ADAP1: variants seen among roughly 807,000 people sequenced by gnomAD.
ADAP1 encodes ArfGAP with dual PH domains 1.
ADAP1 carries 31 observed loss-of-function variants against 54.9 expected under a neutral mutation model. The observed-to-expected ratio is 0.56, with a 90% CI of 0.42 to 0.76. The LOEUF (loss-of-function observed/expected upper bound fraction) is 0.76. ADAP1 is among the 30% of genes least tolerant of loss of function. The probability of loss-of-function intolerance (pLI) is 0.00; values close to 1 mark genes in which losing one functional copy is unlikely to be tolerated. For synonymous variants in ADAP1, 313 were observed against 202.6 expected, an observed-to-expected ratio of 1.55 and a Z score of -4.63; for missense variants, 535 against 512.4, an observed-to-expected ratio of 1.04 and a Z score of -0.42.
intron 2 of ADAP1, among the ~76,000 whole-genome samples, chr7:932,586 G>C (rs757895018): frequency 6.6e-6 from 1 of 152,162 alleles, no homozygotes; most frequent in Non-Finnish European, 1.5e-5. Context: ...CCGGGGAGGG[G>C]GATGGTCCAG....
chr7:936,744 T>C (rs1583179792), intron 1 of ADAP1, among the ~76,000 whole-genome samples: 1 of 152,228 alleles, frequency 6.6e-6, no homozygotes, highest in Non-Finnish European at 1.5e-5. Context: ...TATTTTTAAG[T>C]GGAGGCTCTC....
At chr7:916,063 C>T (rs954318434) in intron 4 of ADAP1, among the ~76,000 whole-genome samples, 8 of 152,234 alleles carry the variant, frequency 5.3e-5, no homozygotes, top group Non-Finnish European at 8.8e-5. Flanking sequence ...GGGCCAGAGG[C>T]GGGCACGCCA....
Position 905,550 on chromosome 7 carries a change from G to GGGAGAAAGGAGAAAGGGAAAGGAGAAA in ADAP1, c.389-379_389-378insTTTCTCCTTTCCCTTTCTCCTTTCTCC, listed in dbSNP as rs1845163513. Reference sequence around the variant, plus strand: ...AGAAGGGAGAAGGGAGAAGGGAGAAGGGAGAAAGGAGAAAGGAGAAAGGAG... The same window carrying GGGAGAAAGGAGAAAGGGAAAGGAGAAA: ...AGAAGGGAGAAGGGAGAAGGGAGAAGGGAGAAAGGAGAAAGGGAAAGGAGAAAGGAGAAAGGAGAAAGGAGAAAGGAG... On this transcript the variant is annotated intron_variant, in intron 4 of 10. Coordinates refer to ENST00000265846, the MANE Select transcript of ADAP1 (RefSeq NM_006869.4). 3.3e-4 allele frequency: 2 copies of GGGAGAAAGGAGAAAGGGAAAGGAGAAA among 6,084 alleles called. 1 individual carries two copies. The allele number at this position is 6,084 out of a possible 1,614,324, so 0.4% of individuals were successfully genotyped here.
chr7:948,422 G>A (rs1202046158), intron 1 of ADAP1, among the ~76,000 whole-genome samples: 8 of 152,088 alleles, frequency 5.3e-5, no homozygotes, highest in East Asian at 1.9e-4. Flanking sequence ...GCCTGGCCTC[G>A]TCCTCCATGA....
intron 3 of ADAP1, chr7:921,026 G>A: frequency 1.7e-6 from 1 of 587,918 alleles, no homozygotes; most frequent in South Asian, 2.2e-5. Context: ...CTGGCCCCAG[G>A]TGTGTGTGTG....
intron 8 of ADAP1, 105 bp downstream of exon 8, chr7:899,997 C>T (rs1410150633): frequency 1.6e-5 from 22 of 1,365,100 alleles, no homozygotes; most frequent in Non-Finnish European, 2.2e-5. Context: ...CCACCAGACA[C>T]CAGTTTAAAA....
intron 4 of ADAP1, among the ~76,000 whole-genome samples, chr7:906,724 GGGACATGGGGGACAGAGTACATA>G (rs1562915433): frequency 0.015 from 465 of 30,332 alleles, 19 homozygotes; most frequent in Admixed American, 0.095. Flanking sequence ...CATCGGGGAC[GGGACATGGGGGACAGAGTACATA>G]GGGGACATGG....
chr7:934,589 C>CTTA (rs1846688394), intron 2 of ADAP1, among the ~76,000 whole-genome samples: 4 of 152,080 alleles, frequency 2.6e-5, no homozygotes, highest in Admixed American at 2.6e-4. Flanking sequence ...CTGGGGTGAC[C>CTTA]CTCCCACCGG....
chr7:923,619 C>A (rs534550591), intron 3 of ADAP1, among the ~76,000 whole-genome samples: 1 of 152,204 alleles, frequency 6.6e-6, no homozygotes, highest in Admixed American at 6.5e-5. Flanking sequence ...TATAGCTGGG[C>A]AAACTGAGGC....
chr7:940,038 G>C (rs552065334), intron 1 of ADAP1, among the ~76,000 whole-genome samples: 16 of 152,224 alleles, frequency 1.1e-4, no homozygotes, highest in South Asian at 6.2e-4. Flanking sequence ...AGGTCCCCCG[G>C]TGTAAAGTTA....
intron 1 of ADAP1, among the ~76,000 whole-genome samples, chr7:948,850 C>G (rs922492887): frequency 1.2e-4 from 19 of 152,188 alleles, no homozygotes; most frequent in African/African-American, 4.6e-4. Flanking sequence ...GCGTGCGCCA[C>G]CACACCCAAC....
chr7:935,320 C>T (rs377593119), intron 2 of ADAP1, 55 bp downstream of exon 2: 78 of 1,534,186 alleles, frequency 5.1e-5, no homozygotes, highest in Middle Eastern at 2.2e-4. Context: ...TCCAGAGGCC[C>T]GGGCTGAGGC....
chr7:954,594 C>T lies in ADAP1; in HGVS notation c.-117G>A, dbSNP rs1436675202. 2 of 984,750 alleles carry T rather than the reference C, an allele frequency of 2.0e-6. No individual in the cohort carries two copies. Among genetic ancestry groups the T allele is most frequent in the Non-Finnish European group, 2.4e-6 (2 of 830,894 alleles). 61.0% of individuals were successfully genotyped at this position (984,750 alleles called of 1,614,324 possible). ...CCGCCCCTGCGCCATCCCGGGCGGCCTCAGCCCGCGCGCCGGTTCCGCATT... is the reference window on the plus strand; with the variant it reads ...CCGCCCCTGCGCCATCCCGGGCGGCTTCAGCCCGCGCGCCGGTTCCGCATT... On this transcript the variant is annotated 5_prime_UTR_variant, in exon 1 of 11. Transcript: ENST00000265846.
At chr7:905,537 GGAGAAGGGAGAAGGGA>G in intron 4 of ADAP1, 1 of 49,892 alleles carries the variant, frequency 2.0e-5, no homozygotes, top group Non-Finnish European at 4.1e-5. Context: ...AAGGGAGAAG[GGAGAAGGGAGAAGGGA>G]GAAAGGAGAA....
chr7:955,258 C>A, upstream of ADAP1: 1 of 1,540,938 alleles, frequency 6.5e-7, no homozygotes, highest in Non-Finnish European at 8.8e-7. Flanking sequence ...CACATGGGGG[C>A]TGACAGGTAA....
chr7:911,126 G>A (rs1845705140), intron 4 of ADAP1, among the ~76,000 whole-genome samples: 1 of 152,180 alleles, frequency 6.6e-6, no homozygotes, highest in Non-Finnish European at 1.5e-5. Flanking sequence ...AGGGCTCCAG[G>A]TCCCAGCTTC....
chr7:954,743 G>A, upstream of ADAP1: 1 of 977,792 alleles, frequency 1.0e-6, no homozygotes, highest in Non-Finnish European at 1.2e-6. Context: ...GCGGCCCCCA[G>A]CGGTGCAGGC....
At chr7:928,189 C>T (rs1846451402) in intron 2 of ADAP1, among the ~76,000 whole-genome samples, 1 of 151,846 alleles carries the variant, frequency 6.6e-6, no homozygotes, top group South Asian at 2.1e-4. Flanking sequence ...CACTGAACTC[C>T]AGCCTGGGCG....
intron 4 of ADAP1, among the ~76,000 whole-genome samples, chr7:913,365 TA>T (rs1845802377): frequency 6.6e-6 from 1 of 150,816 alleles, no homozygotes; most frequent in Non-Finnish European, 1.5e-5. Context: ...CACACCCAGC[TA>T]ATTTTTTTGT....
Sources: gnomAD v4.1 joint callset for allele counts (sites outside exome capture counted in the v4.1 genomes callset) on GRCh38, gnomAD v4.1.1 for gene constraint, MANE v1.5 for transcripts, NCBI Gene and HGNC (gene_info 2026-07-23, HGNC 2026-07-21) for gene names.